The following PPP2R2C variants were observed in gnomAD, a reference collection of about 807,000 sequenced individuals.
The protein encoded by PPP2R2C is protein phosphatase 2, regulatory subunit B, gamma.
A neutral mutation model predicts 45.3 loss-of-function variants in PPP2R2C; 10 were observed. The ratio of observed to expected loss-of-function variants is 0.22; its 90% CI spans 0.14 to 0.37. The LOEUF is 0.37. Among genes scored for constraint, PPP2R2C ranks in the 10% least tolerant of loss-of-function variants. The pLI is 1.00. For missense variants in PPP2R2C, 308 were observed against 619.7 expected, an observed-to-expected ratio of 0.50 and a Z score of 5.34; for synonymous variants, 257 against 245.4, an observed-to-expected ratio of 1.05 and a Z score of -0.44.
chr4:6,344,061 G>A (rs1290047343), intron 6 of PPP2R2C, among the ~76,000 whole-genome samples: 1 of 152,232 alleles, frequency 6.6e-6, no homozygotes, highest in African/African-American at 2.4e-5. Flanking sequence ...ACTGAGCACA[G>A]CCAACAGGCC....
At chr4:6,451,104 C>T (rs1017814985) in intron 1 of PPP2R2C, among the ~76,000 whole-genome samples, 1 of 152,228 alleles carries the variant, frequency 6.6e-6, no homozygotes, top group Non-Finnish European at 1.5e-5. Context: ...GGCAGCTCAG[C>T]CTATTGTCTC....
chr4:6,358,856 A>T (rs1713473257), intron 5 of PPP2R2C, among the ~76,000 whole-genome samples: 1 of 152,232 alleles, frequency 6.6e-6, no homozygotes, highest in South Asian at 2.1e-4. Flanking sequence ...CAGGTGCTGG[A>T]GAGGATGTGG....
intron 2 of PPP2R2C, among the ~76,000 whole-genome samples, chr4:6,518,922 T>TTAAA (rs1354788203): frequency 9.7e-5 from 9 of 92,922 alleles, no homozygotes; most frequent in African/African-American, 4.9e-4. Context: ...GACTCTGTCT[T>TTAAA]AAAAAAAAAA....
At chr4:6,347,792 C>A in intron 6 of PPP2R2C, 54 bp downstream of exon 6, 1 of 838,960 alleles carries the variant, frequency 1.2e-6, no homozygotes, top group South Asian at 1.5e-5. Flanking sequence ...CAGGACATCC[C>A]ACCCGCCCGC....
intron 1 of PPP2R2C, among the ~76,000 whole-genome samples, chr4:6,392,527 G>C (rs142599742): frequency 5.3e-4 from 81 of 152,334 alleles, no homozygotes; most frequent in African/African-American, 1.9e-3. Context: ...GGATGTGAGA[G>C]AGGGAGCCTC....
intron 1 of PPP2R2C, among the ~76,000 whole-genome samples, chr4:6,408,350 C>T (rs1374729362): frequency 3.3e-5 from 5 of 152,172 alleles, no homozygotes; most frequent in African/African-American, 1.2e-4. Flanking sequence ...TAACTACCCC[C>T]GGTACAGGTT....
intron 5 of PPP2R2C, among the ~76,000 whole-genome samples, chr4:6,369,977 T>C (rs1359882262): frequency 2.0e-5 from 3 of 152,212 alleles, no homozygotes; most frequent in Non-Finnish European, 4.4e-5. Context: ...TTCCATACTC[T>C]AGGGCTTTAT....
chr4:6,528,211 C>T lies in PPP2R2C; in HGVS notation c.49+7060G>A, dbSNP rs182817778. The stretch of plus-strand genomic sequence containing the variant: ...CCGGGCAAACATCTCTTCCTCTTCC[C>T]GGCCTGCAAAGCCCGCCCTGGCTCT... On this transcript the variant is annotated intron_variant, in intron 2 of 9. Transcript: ENST00000506140. Among the ~76,000 whole-genome samples, 115 of 152,348 alleles carry T rather than the reference C, an allele frequency of 7.5e-4. No individual in the cohort carries two copies. In the East Asian group the frequency reaches 0.019, roughly 26 times the overall value.
rs1232349298 is a variant in PPP2R2C, at chr4:6,332,804, TG to T, written c.960+757del. Reference sequence around the variant, plus strand: ...AGGAGTGACACGGTGAGGAACCGGCTGGGGTTTCTGGTGGGGTGTTTTCCCA... The same window carrying T: ...AGGAGTGACACGGTGAGGAACCGGCTGGGTTTCTGGTGGGGTGTTTTCCCA... On this transcript the variant is annotated intron_variant, in intron 7 of 8. Coordinates refer to ENST00000382599, the MANE Select transcript of PPP2R2C (RefSeq NM_020416.4). The surrounding 1 kb of genome is among the most constrained non-coding windows in gnomAD (Gnocchi z 4.9). 6.6e-6 allele frequency among the ~76,000 whole-genome samples: 1 copy of T among 152,124 alleles called. No individual in the cohort carries two copies. The highest frequency in any genetic ancestry group is 6.5e-5 in the Admixed American group (1 of 15,276).
chr4:6,391,322 T>C (rs548535397), intron 1 of PPP2R2C, among the ~76,000 whole-genome samples: 4 of 151,844 alleles, frequency 2.6e-5, no homozygotes, highest in African/African-American at 9.7e-5. Context: ...CTCCCTACCG[T>C]GTAGAGGACA....
intron 5 of PPP2R2C, among the ~76,000 whole-genome samples, chr4:6,361,603 C>T (rs1160226290): frequency 6.6e-6 from 1 of 152,232 alleles, no homozygotes; most frequent in Non-Finnish European, 1.5e-5. Context: ...AATTAGAACT[C>T]CCAGAGTCTT....
In PPP2R2C at chr4:6,331,739, T is replaced by C. The variant is rs1409323599; in HGVS notation, c.960+1823A>G. On this transcript the variant is annotated intron_variant, in intron 7 of 8. Transcript: ENST00000382599. This position sits in a 1 kb window ranked among gnomAD's most constrained non-coding sequence, Gnocchi z 5.9. ...AGGTGGAAAACCAACGCCCAAATGATGGTGGACTGGATCACAGAAGGAACC... is the reference window on the plus strand; with the variant it reads ...AGGTGGAAAACCAACGCCCAAATGACGGTGGACTGGATCACAGAAGGAACC... Among the ~76,000 whole-genome samples, 2 of 152,160 alleles carry C rather than the reference T, an allele frequency of 1.3e-5. No homozygotes were observed. The highest frequency in any genetic ancestry group is 4.1e-4 in the South Asian group (2 of 4,830).
At chr4:6,466,086 G>A (rs1270188350) in intron 1 of PPP2R2C, among the ~76,000 whole-genome samples, 1 of 152,218 alleles carries the variant, frequency 6.6e-6, no homozygotes, top group Non-Finnish European at 1.5e-5. Context: ...CAATGCCTTG[G>A]AGCATTATTT....
chr4:6,418,932 G>A (rs771714771), intron 1 of PPP2R2C, among the ~76,000 whole-genome samples: 6 of 151,164 alleles, frequency 4.0e-5, no homozygotes, highest in Non-Finnish European at 7.4e-5. Context: ...GACAGGAGGC[G>A]GGCACCAGCC....
At chr4:6,493,590 G>A (rs1237923401) in intron 2 of PPP2R2C, among the ~76,000 whole-genome samples, 9 of 151,140 alleles carry the variant, frequency 6.0e-5, no homozygotes, top group Non-Finnish European at 1.2e-4. Flanking sequence ...ACACATACTA[G>A]ATCGATCTAG....
intron 2 of PPP2R2C, among the ~76,000 whole-genome samples, chr4:6,512,569 GTGATGGTGA>G (rs1179441556): frequency 1.6e-4 from 18 of 115,564 alleles, no homozygotes; most frequent in African/African-American, 2.9e-4. Context: ...GGTGGTGGTG[GTGATGGTGA>G]TGGTGGTGAT....
At chr4:6,509,242 A>G (rs1362232493) in intron 2 of PPP2R2C, among the ~76,000 whole-genome samples, 1 of 152,242 alleles carries the variant, frequency 6.6e-6, no homozygotes, top group Admixed American at 6.5e-5. Flanking sequence ...GAAACACTCC[A>G]GCTTGAAAAC....
intron 1 of PPP2R2C, 48 bp downstream of exon 1, chr4:6,472,112 C>G: frequency 6.2e-7 from 1 of 1,611,302 alleles, no homozygotes; most frequent in Non-Finnish European, 8.5e-7. Flanking sequence ...GCGACGGCAT[C>G]CCCACGCCGC....
intron 1 of PPP2R2C, among the ~76,000 whole-genome samples, chr4:6,432,488 A>G (rs1157897272): frequency 6.6e-6 from 1 of 152,110 alleles, no homozygotes. Flanking sequence ...CACCTTCAAC[A>G]ACCTGGAATT....
Sources: gnomAD v4.1 joint callset for allele counts (sites outside exome capture counted in the v4.1 genomes callset) on GRCh38, gnomAD v4.1.1 for gene constraint, Gnocchi (gnomAD v3.1) non-coding constraint, MANE v1.5 for transcripts, NCBI Gene and HGNC (gene_info 2026-07-23, HGNC 2026-07-21) for gene names.